Variants in CLDN10 observed in about 807,000 individuals in gnomAD.
CLDN10 encodes claudin-10.
Under a neutral mutation model 22.9 loss-of-function variants are expected in CLDN10, and 15 were observed. The ratio of observed to expected loss-of-function variants is 0.65; its 90% confidence interval spans 0.44 to 1.01. CLDN10 has a LOEUF of 1.01. CLDN10 is among the 50% of genes least tolerant of loss of function. The pLI, the probability that CLDN10 is intolerant of heterozygous loss-of-function variation, is 0.00. For missense variants in CLDN10, 247 were observed against 287.8 expected, an observed-to-expected ratio of 0.86 and a Z score of 1.03; for synonymous variants, 114 against 111.4, an observed-to-expected ratio of 1.02 and a Z score of -0.15.
intron 1 of CLDN10, among the ~76,000 whole-genome samples, chr13:95,516,995 CT>C (rs1433923928): frequency 6.9e-6 from 1 of 145,742 alleles, no homozygotes; most frequent in Admixed American, 7.0e-5. Context: ...TCCTTCCTTC[CT>C]TCCTTCCTTC....
chr13:95,470,974 A>G (rs1203049593), intron 1 of CLDN10, among the ~76,000 whole-genome samples: 1 of 152,158 alleles, frequency 6.6e-6, no homozygotes, highest in Non-Finnish European at 1.5e-5. Flanking sequence ...GGGAAAGTGA[A>G]GGAGACACAG....
chr13:95,548,525 A>G (rs1249945907), upstream of CLDN10, among the ~76,000 whole-genome samples: 3 of 152,224 alleles, frequency 2.0e-5, no homozygotes, highest in Non-Finnish European at 4.4e-5. Flanking sequence ...TGGTGATGCA[A>G]TGGTGAGAAT....
At chr13:95,540,340 A>G (rs1394723080) in intron 1 of CLDN10, among the ~76,000 whole-genome samples, 2 of 124,298 alleles carry the variant, frequency 1.6e-5, no homozygotes, top group Non-Finnish European at 1.8e-5. Context: ...AAATAAATAA[A>G]TATTAGCCTG....
chr13:95,512,812 G>A (rs1313905116), intron 1 of CLDN10, among the ~76,000 whole-genome samples: 3 of 152,188 alleles, frequency 2.0e-5, no homozygotes, highest in Non-Finnish European at 4.4e-5. Flanking sequence ...TTCACCCACA[G>A]AAAGTGCCAG....
intron 1 of CLDN10, among the ~76,000 whole-genome samples, chr13:95,495,572 G>T (rs569413142): frequency 1.3e-5 from 2 of 151,110 alleles, no homozygotes; most frequent in African/African-American, 4.8e-5. Context: ...GTGAAACCCC[G>T]TCTCTACTAA....
chr13:95,461,808 T>C (rs184270236), intron 1 of CLDN10, among the ~76,000 whole-genome samples: 1 of 152,300 alleles, frequency 6.6e-6, no homozygotes, highest in East Asian at 1.9e-4. Flanking sequence ...AATGAAACAC[T>C]TGATCATGCA....
intron 1 of CLDN10, among the ~76,000 whole-genome samples, chr13:95,490,534 T>A (rs2042861904): frequency 6.6e-6 from 1 of 152,206 alleles, no homozygotes; most frequent in African/African-American, 2.4e-5. Context: ...CCAGTGCTCA[T>A]TCAGGAGCAG....
chr13:95,558,986 C>T (rs927461653), intron 1 of CLDN10, among the ~76,000 whole-genome samples: 4 of 152,132 alleles, frequency 2.6e-5, no homozygotes, highest in African/African-American at 9.7e-5. Context: ...TCCCTAAATT[C>T]ATGATTATCA....
At chr13:95,564,798 A>G (rs2043761081) in intron 3 of CLDN10, among the ~76,000 whole-genome samples, 1 of 152,174 alleles carries the variant, frequency 6.6e-6, no homozygotes, top group Non-Finnish European at 1.5e-5. Context: ...CTTGGAGTAA[A>G]GATTGCAGCA....
intron 1 of CLDN10, among the ~76,000 whole-genome samples, chr13:95,439,145 G>A (rs2042300469): frequency 6.6e-6 from 1 of 151,984 alleles, no homozygotes; most frequent in Non-Finnish European, 1.5e-5. Flanking sequence ...GTCCACTCAG[G>A]CTGCAATAAC....
chr13:95,548,581 C>A (rs761305996), upstream of CLDN10, among the ~76,000 whole-genome samples: 1 of 152,176 alleles, frequency 6.6e-6, no homozygotes, highest in Non-Finnish European at 1.5e-5. Flanking sequence ...AGCTTTCATG[C>A]TAAGTAGATT....
At chr13:95,469,303 C>G (rs561144154) in intron 1 of CLDN10, among the ~76,000 whole-genome samples, 5 of 152,254 alleles carry the variant, frequency 3.3e-5, no homozygotes, top group Admixed American at 1.3e-4. Flanking sequence ...ATGTAGCCAA[C>G]TATTAACCTA....
intron 1 of CLDN10, among the ~76,000 whole-genome samples, chr13:95,494,046 T>C (rs916904080): frequency 6.8e-4 from 104 of 152,230 alleles, no homozygotes; most frequent in Non-Finnish European, 1.2e-3. Context: ...ACAATACCAA[T>C]GTCACACCTA....
At chr13:95,496,276 T>C (rs2042928894) in intron 1 of CLDN10, among the ~76,000 whole-genome samples, 1 of 152,236 alleles carries the variant, frequency 6.6e-6, no homozygotes, top group Non-Finnish European at 1.5e-5. Flanking sequence ...GTGTGTTCTT[T>C]GAGATATTCA....
rs187107533 is a variant in CLDN10 at position 95,504,396 on chromosome 13, T to A, written c.215-55736T>A. 1.9e-3 allele frequency among the ~76,000 whole-genome samples: 286 copies of A among 152,330 alleles called. 1 individual carries two copies. Among genetic ancestry groups the A allele is most frequent in the African/African-American group, 6.5e-3 (272 of 41,578 alleles). ...TTTTTATTTTATTTTATTTTATTTT[T>A]TTGAGACAGAGTCTCACTCTGTCAC... is the stretch of plus-strand genomic sequence containing the variant. On this transcript the variant is annotated intron_variant, in intron 1 of 4. Coordinates refer to the CLDN10 transcript ENST00000376873.
At chr13:95,454,026 T>A (rs181069303) in intron 1 of CLDN10, among the ~76,000 whole-genome samples, 69 of 152,278 alleles carry the variant, frequency 4.5e-4, no homozygotes, top group Non-Finnish European at 5.7e-4. Context: ...GTGGTAACAA[T>A]TTCAATTTAT....
chr13:95,444,253 A>G (rs908539072), intron 1 of CLDN10, among the ~76,000 whole-genome samples: 6 of 152,200 alleles, frequency 3.9e-5, no homozygotes, highest in African/African-American at 1.4e-4. Flanking sequence ...GCCCTTGTGC[A>G]TGTTTAGGTA....
chr13:95,568,411 GCT>G (rs1412814787), intron 3 of CLDN10, among the ~76,000 whole-genome samples: 1 of 152,066 alleles, frequency 6.6e-6, no homozygotes, highest in Non-Finnish European at 1.5e-5. Context: ...AATATTTGGC[GCT>G]CTCTTTTGTT....
intron 1 of CLDN10, among the ~76,000 whole-genome samples, chr13:95,490,669 T>C (rs1199024032): frequency 6.6e-6 from 1 of 151,958 alleles, no homozygotes; most frequent in Admixed American, 6.5e-5. Context: ...CTATTGAGGC[T>C]CATTTTGTGG....
Sources: gnomAD v4.1 joint callset for allele counts (sites outside exome capture counted in the v4.1 genomes callset) on GRCh38, gnomAD v4.1.1 for gene constraint, MANE v1.5 for transcripts, NCBI Gene and HGNC (gene_info 2026-07-23, HGNC 2026-07-21) for gene names.